Variants in LRRC66 observed in about 807,000 individuals in gnomAD.
LRRC66 encodes the protein leucine-rich repeat-containing protein 66.
In LRRC66, 29 loss-of-function variants were observed where a neutral mutation model predicts 24.6. The observed-to-expected ratio is 1.18, with a 90% CI of 0.88 to 1.61. The LOEUF is 1.61. Ranked by LOEUF, LRRC66 falls within the 40% of genes most tolerant of loss-of-function variation. The probability of loss-of-function intolerance (pLI) is 0.00; values close to 1 mark genes in which losing one functional copy is unlikely to be tolerated. For missense variants in LRRC66, 1,124 were observed against 1,058.0 expected (o/e 1.06, Z -0.87); for synonymous variants, 411 against 397.6 (o/e 1.03, Z -0.40).
In LRRC66 at chr4:51,994,401, C is replaced by G; in HGVS notation, c.2621G>C (p.Arg874Thr). 1 of 1,611,926 alleles carries G rather than the reference C, an allele frequency of 6.2e-7. No individual in the cohort carries two copies. The highest frequency in any genetic ancestry group is 1.1e-5 in the South Asian group (1 of 90,556). The change falls in exon 5 of 5, where the codon AGA (arginine) becomes ACA (threonine). Residue 874 changes from arginine to threonine, a missense_variant. Arg to Thr is a moderately conservative substitution (Grantham distance 71). Coordinates refer to ENST00000682860, the MANE Select transcript of LRRC66 (RefSeq NM_001024611.3). Reference sequence around the variant, plus strand: ...TTCTTATTTTAAAATGTCTGAGTCTCTTTCATGGAAGGCAGCCTTATCAGG... The same window carrying G: ...TTCTTATTTTAAAATGTCTGAGTCTGTTTCATGGAAGGCAGCCTTATCAGG... ...SDPDKAAFHE[R>T]DSDILK is the part of the protein sequence containing the mutation.
intron 2 of LRRC66, among the ~76,000 whole-genome samples, chr4:52,016,113 G>T: frequency 6.6e-6 from 1 of 152,150 alleles, no homozygotes; most frequent in South Asian, 2.1e-4. Flanking sequence ...TTATGGAGAA[G>T]GTCAGGGAGA....
At chr4:51,996,642 A>G (rs1422774074) in intron 4 of LRRC66, among the ~76,000 whole-genome samples, 3 of 152,182 alleles carry the variant, frequency 2.0e-5, no homozygotes, top group Non-Finnish European at 2.9e-5. Context: ...CATGATGATA[A>G]GCAGTTTAAA....
chr4:52,017,899 C>T (rs1736857499), intron 1 of LRRC66: 1 of 985,416 alleles, frequency 1.0e-6, no homozygotes, highest in Non-Finnish European at 1.2e-6. Context: ...ATCTGCTTTT[C>T]CAGTAGTTTT....
At chr4:52,013,385 G>A (rs1368018686) in intron 2 of LRRC66, among the ~76,000 whole-genome samples, 1 of 151,954 alleles carries the variant, frequency 6.6e-6, no homozygotes, top group Non-Finnish European at 1.5e-5. Context: ...TGCTACATTT[G>A]GTCTATCAAC....
chr4:52,019,941 G>T (rs1050743795), intron 1 of LRRC66, among the ~76,000 whole-genome samples: 2 of 152,108 alleles, frequency 1.3e-5, no homozygotes, highest in Non-Finnish European at 2.9e-5. Flanking sequence ...AAAGTGAAAG[G>T]TATTAATTTG....
chr4:52,014,077 A>T (rs529278398), intron 2 of LRRC66, among the ~76,000 whole-genome samples: 4 of 152,174 alleles, frequency 2.6e-5, no homozygotes, highest in African/African-American at 9.7e-5. Context: ...AACATGGAGG[A>T]GCCCCGTCTC....
Position 51,997,938 on chromosome 4 carries a change from C to T in LRRC66, c.667-1G>A, listed in dbSNP as rs747025335. 1 of 1,611,420 alleles carries T rather than the reference C, an allele frequency of 6.2e-7. No homozygotes were observed. The highest frequency in any genetic ancestry group is 1.1e-5 in the South Asian group (1 of 90,860). Reference sequence around the variant, plus strand: ...GAGCATTGTTGCTAAGGTCTATGACCTGTTTGAGAAGAAACAAGTTTAGGA... The same window carrying T: ...GAGCATTGTTGCTAAGGTCTATGACTTGTTTGAGAAGAAACAAGTTTAGGA... On this transcript the variant is annotated splice_acceptor_variant, in intron 3 of 4. Transcript: ENST00000682860. LOFTEE classifies it high-confidence loss of function.
chr4:52,007,956 G>T (rs557093925), intron 2 of LRRC66, among the ~76,000 whole-genome samples: 1 of 152,276 alleles, frequency 6.6e-6, no homozygotes, highest in East Asian at 1.9e-4. Flanking sequence ...GTTAGAGTAG[G>T]GTTAGAGATC....
At chr4:52,009,768 A>G (rs976094911) in intron 2 of LRRC66, among the ~76,000 whole-genome samples, 4 of 152,204 alleles carry the variant, frequency 2.6e-5, no homozygotes, top group African/African-American at 9.6e-5. Flanking sequence ...CATTTATGGA[A>G]GAAACAAAGC....
At chr4:52,017,864 A>G in intron 1 of LRRC66, 1 of 985,438 alleles carries the variant, frequency 1.0e-6, no homozygotes, top group African/African-American at 1.7e-5. Context: ...CAGAAAATAC[A>G]TATTCAGTTA....
chr4:52,004,173 C>A (rs1736522358), intron 2 of LRRC66, among the ~76,000 whole-genome samples: 1 of 151,896 alleles, frequency 6.6e-6, no homozygotes, highest in Non-Finnish European at 1.5e-5. Context: ...AGGCTAATTT[C>A]TTTTTTTGTA....
At chr4:52,012,442 T>G (rs1382833598) in intron 2 of LRRC66, among the ~76,000 whole-genome samples, 2 of 152,168 alleles carry the variant, frequency 1.3e-5, no homozygotes, top group African/African-American at 2.4e-5. Context: ...TAATTAAGAT[T>G]TTATTTTTTT....
chr4:52,017,423 G>C lies in LRRC66; in HGVS notation c.191C>G (p.Thr64Ser). The change falls in exon 2 of 5, where the codon ACT becomes AGT. Residue 64 changes from threonine (T) to serine (S), a missense_variant. Transcript: ENST00000682860. ...IPVDISQTAA[T>S]VDVSFNFFRV... ...AAAGAAATTGAAACTTACATCCACA[G>C]TGGCTGCTGTCTGTGATATGTCCAC... The C allele has an allele frequency of 6.2e-7, 1 of 1,614,174 alleles. No individual in the cohort carries two copies. Among genetic ancestry groups the C allele is most frequent in the African/African-American group, 1.3e-5 (1 of 75,058 alleles).
At chr4:52,005,388 A>G (rs1000705262) in intron 2 of LRRC66, among the ~76,000 whole-genome samples, 1 of 152,182 alleles carries the variant, frequency 6.6e-6, no homozygotes, top group Non-Finnish European at 1.5e-5. Flanking sequence ...TAATCCCAGC[A>G]CTTTGGAAGC....
chr4:52,004,228 C>G (rs955209087), intron 2 of LRRC66, among the ~76,000 whole-genome samples: 4 of 152,108 alleles, frequency 2.6e-5, no homozygotes, highest in Non-Finnish European at 4.4e-5. Context: ...AGGTTGGTCT[C>G]GAACTCCTGA....
intron 2 of LRRC66, among the ~76,000 whole-genome samples, chr4:52,012,242 G>A (rs1302390646): frequency 6.6e-6 from 1 of 151,906 alleles, no homozygotes; most frequent in Non-Finnish European, 1.5e-5. Context: ...ACATACCCAA[G>A]CATGTGGGGA....
At chr4:51,997,989 G>A (rs1378322523) in intron 3 of LRRC66, 52 bp from the exon 4 acceptor site, 2 of 1,481,236 alleles carry the variant, frequency 1.4e-6, no homozygotes, top group Non-Finnish European at 9.3e-7. Flanking sequence ...GACATTTACA[G>A]ATAAAATAAA....
At chr4:52,006,398 G>A in intron 2 of LRRC66, among the ~76,000 whole-genome samples, 1 of 152,006 alleles carries the variant, frequency 6.6e-6, no homozygotes, top group Non-Finnish European at 1.5e-5. Flanking sequence ...CATGTCCTTT[G>A]CAGGGACATG....
intron 2 of LRRC66, among the ~76,000 whole-genome samples, chr4:52,015,847 A>T (rs1053103326): frequency 2.0e-5 from 3 of 152,220 alleles, no homozygotes; most frequent in African/African-American, 7.2e-5. Flanking sequence ...AAGTTATTAA[A>T]ATATTCTATG....
Sources: gnomAD v4.1 joint callset for allele counts (sites outside exome capture counted in the v4.1 genomes callset) on GRCh38, gnomAD v4.1.1 for gene constraint, MANE v1.5 for transcripts, NCBI Gene and HGNC (gene_info 2026-07-23, HGNC 2026-07-21) for gene names.